PTPRG: variants seen among roughly 807,000 people sequenced by gnomAD.
PTPRG encodes the protein receptor-type tyrosine-protein phosphatase gamma.
A neutral mutation model predicts 165.3 loss-of-function variants in PTPRG; 102 were observed. The observed-to-expected ratio is 0.62, with a 90% CI of 0.53 to 0.73. The LOEUF (loss-of-function observed/expected upper bound fraction) is 0.73, where lower values mean the gene tolerates loss of function less well. Among genes scored for constraint, PTPRG ranks in the 30% least tolerant of loss-of-function variants. The pLI, the probability that PTPRG is intolerant of heterozygous loss-of-function variation, is 0.00. For synonymous variants in PTPRG, 675 were observed against 669.5 expected, an observed-to-expected ratio of 1.01 and a Z score of -0.13; for missense variants, 1,866 against 1,861.4, an observed-to-expected ratio of 1.00 and a Z score of -0.05.
At chr3:62,246,117 A>G (rs916446834) in intron 15 of PTPRG, among the ~76,000 whole-genome samples, 1 of 152,312 alleles carries the variant, frequency 6.6e-6, no homozygotes, top group Non-Finnish European at 1.5e-5. Context: ...TAATATAACT[A>G]TATCAAAAGA....
chr3:62,282,270 C>T (rs1702477628), intron 27 of PTPRG, among the ~76,000 whole-genome samples: 1 of 152,046 alleles, frequency 6.6e-6, no homozygotes, highest in South Asian at 2.1e-4. Context: ...GAGACAAGGT[C>T]TCACTCACAG....
intron 2 of PTPRG, among the ~76,000 whole-genome samples, chr3:61,944,646 G>C (rs775725782): frequency 7.2e-5 from 11 of 152,062 alleles, no homozygotes; most frequent in Non-Finnish European, 1.5e-4. Context: ...GGAATGACTA[G>C]GATAGTTGTC....
chr3:62,133,714 G>A (rs775987501), intron 6 of PTPRG, among the ~76,000 whole-genome samples: 9 of 152,146 alleles, frequency 5.9e-5, no homozygotes, highest in Non-Finnish European at 1.2e-4. Flanking sequence ...GCCAGGCATG[G>A]TGGCTTATGC....
intron 1 of PTPRG, among the ~76,000 whole-genome samples, chr3:61,568,866 C>T (rs1699990218): frequency 6.6e-6 from 1 of 151,638 alleles, no homozygotes; most frequent in South Asian, 2.1e-4. Flanking sequence ...TGAGATTGCA[C>T]CACTGCACTG....
chr3:62,211,438 C>T (rs1451609045), intron 12 of PTPRG, among the ~76,000 whole-genome samples: 1 of 152,168 alleles, frequency 6.6e-6, no homozygotes, highest in African/African-American at 2.4e-5. Flanking sequence ...AGTTGCACAA[C>T]AATGTGAATA....
intron 2 of PTPRG, among the ~76,000 whole-genome samples, chr3:61,908,762 TACTG>T (rs2038722746): frequency 6.6e-6 from 1 of 152,180 alleles, no homozygotes; most frequent in African/African-American, 2.4e-5. Flanking sequence ...AAATGAATAA[TACTG>T]ACATTAAAAG....
chr3:62,230,159 C>A (rs1183026924), intron 13 of PTPRG, among the ~76,000 whole-genome samples: 1 of 152,222 alleles, frequency 6.6e-6, no homozygotes, highest in Non-Finnish European at 1.5e-5. Flanking sequence ...AGTTTGACTT[C>A]TCCAAGTTTT....
At chr3:61,914,947 T>A (rs1261525450) in intron 2 of PTPRG, among the ~76,000 whole-genome samples, 1 of 152,202 alleles carries the variant, frequency 6.6e-6, no homozygotes, top group African/African-American at 2.4e-5. Flanking sequence ...AATAATTAAG[T>A]GGGCTGGGTG....
rs1559670192 is a variant in PTPRG, at chr3:61,887,153, TA to T, written c.191-102471del. ...ATATATATATATATATATATATATA[TA>T]TATATATATATATATATTTTTAATG... On this transcript the variant is annotated intron_variant, in intron 2 of 29. Transcript: ENST00000474889. 3.3e-4 allele frequency among the ~76,000 whole-genome samples: 20 copies of T among 59,886 alleles called. 3 individuals carry two copies. The East Asian group carries it at 5.7e-3, about 17-fold the overall frequency. The allele number at this position is 59,886 out of a possible 152,430, so 39.3% of individuals were successfully genotyped here.
At chr3:62,120,683 G>C (rs1273742762) in intron 5 of PTPRG, among the ~76,000 whole-genome samples, 2 of 151,684 alleles carry the variant, frequency 1.3e-5, no homozygotes, top group African/African-American at 4.8e-5. Flanking sequence ...CCCAGAGGTG[G>C]AGGTTGTAGT....
At chr3:62,052,027 A>G (rs1440728850) in intron 4 of PTPRG, among the ~76,000 whole-genome samples, 2 of 152,200 alleles carry the variant, frequency 1.3e-5, no homozygotes, top group Admixed American at 1.3e-4. Context: ...CTTCTGAGTA[A>G]AAAAAGGATC....
At chr3:61,672,320 C>T (rs1195435270) in intron 1 of PTPRG, among the ~76,000 whole-genome samples, 1 of 144,898 alleles carries the variant, frequency 6.9e-6, no homozygotes, top group Non-Finnish European at 1.5e-5. Flanking sequence ...GACGGGGTGG[C>T]GGCCGGGCAG....
intron 1 of PTPRG, among the ~76,000 whole-genome samples, chr3:61,703,153 T>A (rs2031065964): frequency 6.6e-6 from 1 of 152,140 alleles, no homozygotes; most frequent in African/African-American, 2.4e-5. Flanking sequence ...TGAATCTTTT[T>A]TTTTTTTTTC....
At chr3:61,674,210 C>A (rs1284129027) in intron 1 of PTPRG, among the ~76,000 whole-genome samples, 12 of 151,552 alleles carry the variant, frequency 7.9e-5, no homozygotes, top group African/African-American at 2.7e-4. Flanking sequence ...CATGGCTTTG[C>A]ATGAGAAAAG....
chr3:62,131,867 ATC>A (rs1491418005), intron 5 of PTPRG, among the ~76,000 whole-genome samples: 4 of 152,212 alleles, frequency 2.6e-5, no homozygotes, highest in Admixed American at 2.6e-4. Context: ...ATTTGTAAAT[ATC>A]TCTGTATGTC....
rs143164905 is a variant in PTPRG at position 61,655,898 on chromosome 3, T to C, written c.86-92980T>C. Among the ~76,000 whole-genome samples, 1,350 of 152,300 alleles carry C rather than the reference T, an allele frequency of 8.9e-3. 15 individuals are homozygous for C. Among genetic ancestry groups the C allele is most frequent in the African/African-American group, 0.03 (1,257 of 41,566 alleles). ...TGAAACTGTGTCTGGCCTGTTTAACTCTTAAGTGTAGATGTAATTTACTTC... is the reference window on the plus strand; with the variant it reads ...TGAAACTGTGTCTGGCCTGTTTAACCCTTAAGTGTAGATGTAATTTACTTC... On this transcript the variant is annotated intron_variant, in intron 1 of 29. Coordinates refer to ENST00000474889, the MANE Select transcript of PTPRG (RefSeq NM_002841.4).
intron 2 of PTPRG, among the ~76,000 whole-genome samples, chr3:61,980,385 C>T (rs1287298065): frequency 6.6e-6 from 1 of 152,180 alleles, no homozygotes; most frequent in Non-Finnish European, 1.5e-5. Context: ...TAAAAATTTA[C>T]AGCAATGGAC....
intron 4 of PTPRG, among the ~76,000 whole-genome samples, chr3:62,041,746 C>T (rs952272780): frequency 4.6e-5 from 7 of 151,740 alleles, no homozygotes; most frequent in African/African-American, 7.3e-5. Context: ...TGGTAATGAT[C>T]ATTGTGATGG....
Position 61,996,841 on chromosome 3 carries a change from A to G in PTPRG, c.371-6508A>G, listed in dbSNP as rs556580038. Reference sequence around the variant, plus strand: ...TCACTGGGTCACTCTTTGGCTAGATACTCTGCAAGCTGTGTTTCCTGTCTG... The same window carrying G: ...TCACTGGGTCACTCTTTGGCTAGATGCTCTGCAAGCTGTGTTTCCTGTCTG... On this transcript the variant is annotated intron_variant, in intron 3 of 29. Coordinates refer to ENST00000474889, the MANE Select transcript of PTPRG (RefSeq NM_002841.4). 1.5e-3 allele frequency among the ~76,000 whole-genome samples: 222 copies of G among 152,076 alleles called. 1 individual carries two copies. The highest frequency in any genetic ancestry group is 2.1e-3 in the Admixed American group (32 of 15,272).
Sources: allele counts gnomAD v4.1 joint callset (sites outside exome capture counted in the v4.1 genomes callset), GRCh38; gene constraint gnomAD v4.1.1; transcripts MANE v1.5; gene names NCBI Gene and HGNC (gene_info 2026-07-23, HGNC 2026-07-21).